CNTN5: variants seen among roughly 807,000 people sequenced by gnomAD.
CNTN5 encodes contactin 5, also known as contactin-5.
Under a neutral mutation model 129.1 loss-of-function variants are expected in CNTN5, and 77 were observed. The ratio of observed to expected loss-of-function variants is 0.60; its 90% CI spans 0.50 to 0.72. The LOEUF is 0.72. Ranked by LOEUF, CNTN5 falls within the 30% of genes least tolerant of loss-of-function variation. The pLI is 0.00. For missense variants in CNTN5, 1,478 were observed against 1,328.8 expected (o/e 1.11, Z -1.75); for synonymous variants, 509 against 465.6 (o/e 1.09, Z -1.20).
intron 1 of CNTN5, among the ~76,000 whole-genome samples, chr11:99,204,457 C>A (rs959989436): frequency 1.3e-5 from 2 of 152,112 alleles, no homozygotes; most frequent in South Asian, 2.1e-4. Context: ...TGTTATTGAA[C>A]CTAATATTGA....
chr11:100,180,287 A>C (rs559831877), intron 13 of CNTN5, among the ~76,000 whole-genome samples: 2 of 152,156 alleles, frequency 1.3e-5, no homozygotes, highest in East Asian at 1.9e-4. Flanking sequence ...ACAGAACAAA[A>C]CAGATAACAA....
At chr11:99,418,005 A>G (rs554590426) in intron 2 of CNTN5, among the ~76,000 whole-genome samples, 9 of 152,260 alleles carry the variant, frequency 5.9e-5, no homozygotes, top group African/African-American at 2.2e-4. Flanking sequence ...ATTTATGAAT[A>G]TATAGCCTTG....
At chr11:99,600,809 T>C (rs945409025) in intron 3 of CNTN5, among the ~76,000 whole-genome samples, 1 of 152,192 alleles carries the variant, frequency 6.6e-6, no homozygotes, top group African/African-American at 2.4e-5. Flanking sequence ...CTGTTTACCA[T>C]GGAAATGAAA....
chr11:99,511,067 C>T (rs534665173), intron 2 of CNTN5, among the ~76,000 whole-genome samples: 10 of 150,092 alleles, frequency 6.7e-5, no homozygotes, highest in Non-Finnish European at 1.2e-4. Flanking sequence ...ATTTAAAAAG[C>T]GTAAACATTA....
chr11:99,679,354 C>T (rs1326484302), intron 3 of CNTN5, among the ~76,000 whole-genome samples: 1 of 151,848 alleles, frequency 6.6e-6, no homozygotes, highest in Non-Finnish European at 1.5e-5. Flanking sequence ...GTTGTGATAA[C>T]CCTGCCACAA....
chr11:99,738,663 G>C (rs967470471), intron 3 of CNTN5, among the ~76,000 whole-genome samples: 1 of 148,908 alleles, frequency 6.7e-6, no homozygotes, highest in Non-Finnish European at 1.5e-5. Context: ...AGAACCTGGA[G>C]TGTAGAAAGT....
At position 99,915,722 on chromosome 11, in the gene CNTN5, T is replaced by C. The variant is rs538164006; in HGVS notation, c.578-332T>C. On this transcript the variant is annotated intron_variant, in intron 6 of 24. Transcript: ENST00000524871. ...CTTTTCACTATGAGAGAATGGGCGT[T>C]ATTGGTAGTAGAAATATCACTACGT... is the stretch of plus-strand genomic sequence containing the variant. Among the ~76,000 whole-genome samples, 4 of 152,256 alleles carry C rather than the reference T, an allele frequency of 2.6e-5. No homozygotes were observed. The South Asian group carries it at 8.3e-4, about 32-fold the overall frequency.
chr11:99,697,452 T>C (rs932789050), intron 3 of CNTN5, among the ~76,000 whole-genome samples: 16 of 151,616 alleles, frequency 1.1e-4, no homozygotes, highest in Non-Finnish European at 2.4e-4. Context: ...AAACCCAAAA[T>C]TCATAAAATT....
chr11:99,492,079 T>C (rs1439664524), intron 2 of CNTN5, among the ~76,000 whole-genome samples: 2 of 152,170 alleles, frequency 1.3e-5, no homozygotes, highest in Non-Finnish European at 2.9e-5. Flanking sequence ...AGTAGATACA[T>C]TATCTTTGTT....
intron 1 of CNTN5, among the ~76,000 whole-genome samples, chr11:99,318,510 C>T (rs1386352406): frequency 6.6e-6 from 1 of 151,896 alleles, no homozygotes; most frequent in Non-Finnish European, 1.5e-5. Flanking sequence ...GTGATGGCAT[C>T]ACATCATAGT....
intron 13 of CNTN5, among the ~76,000 whole-genome samples, chr11:100,182,193 G>A (rs899906069): frequency 2.6e-5 from 4 of 152,072 alleles, no homozygotes; most frequent in African/African-American, 9.7e-5. Context: ...TGTAAAGCCT[G>A]TGGGAAAATA....
chr11:100,046,003 A>G (rs1432967856), intron 9 of CNTN5, among the ~76,000 whole-genome samples: 1 of 151,952 alleles, frequency 6.6e-6, no homozygotes, highest in Non-Finnish European at 1.5e-5. Flanking sequence ...CATGTGCACA[A>G]TGTGCAGGTT....
chr11:99,430,428 A>G (rs1164060146), intron 2 of CNTN5, among the ~76,000 whole-genome samples: 1 of 150,450 alleles, frequency 6.6e-6, no homozygotes, highest in Non-Finnish European at 1.5e-5. Flanking sequence ...CATTATATAC[A>G]TAAGAACTTT....
chr11:99,139,105 C>G (rs1484937946), intron 1 of CNTN5, among the ~76,000 whole-genome samples: 1 of 1,942 alleles, frequency 5.1e-4, no homozygotes, highest in South Asian at 0.015. Context: ...CTCCCCACCC[C>G]CCCCCCCCAA....
At chr11:99,736,298 G>A (rs928012311) in intron 3 of CNTN5, among the ~76,000 whole-genome samples, 2 of 152,152 alleles carry the variant, frequency 1.3e-5, no homozygotes, top group African/African-American at 4.8e-5. Context: ...ACTGTGGATT[G>A]GCTAATTTGA....
chr11:99,164,576 T>C (rs1860786644), intron 1 of CNTN5, among the ~76,000 whole-genome samples: 1 of 152,212 alleles, frequency 6.6e-6, no homozygotes, highest in Non-Finnish European at 1.5e-5. Context: ...ACATACTTAC[T>C]CTTAATGTGC....
chr11:99,678,345 T>C lies in CNTN5; in HGVS notation c.55+122076T>C, dbSNP rs941189443. Among the ~76,000 whole-genome samples the C allele has an allele frequency of 3.3e-5, 5 of 152,088 alleles. 1 individual carries two copies. Among genetic ancestry groups the C allele is most frequent in the Admixed American group, 6.6e-5 (1 of 15,250 alleles). ...AAGAAGGATTATATACTCTAATATA[T>C]ATATATGATTCAAATATATGGCTAC... On this transcript the variant is annotated intron_variant, in intron 3 of 24. Coordinates refer to ENST00000524871, the MANE Select transcript of CNTN5 (RefSeq NM_014361.4).
intron 6 of CNTN5, among the ~76,000 whole-genome samples, chr11:99,863,751 A>G (rs1029327500): frequency 6.6e-6 from 1 of 152,212 alleles, no homozygotes; most frequent in African/African-American, 2.4e-5. Context: ...TAAGTTGAAT[A>G]CCTAGCAATA....
intron 23 of CNTN5, among the ~76,000 whole-genome samples, chr11:100,348,988 C>T (rs1422994239): frequency 6.6e-6 from 1 of 151,886 alleles, no homozygotes; most frequent in Non-Finnish European, 1.5e-5. Flanking sequence ...ATGAGATGTC[C>T]AATAAATGTT....
Sources: gnomAD v4.1 joint callset for allele counts (sites outside exome capture counted in the v4.1 genomes callset) on GRCh38, gnomAD v4.1.1 for gene constraint, MANE v1.5 for transcripts, NCBI Gene and HGNC (gene_info 2026-07-23, HGNC 2026-07-21) for gene names.